ACVR1: variants seen among roughly 807,000 people sequenced by gnomAD.
ACVR1 encodes the protein activin A receptor type 1.
Under a neutral mutation model 57.1 loss-of-function variants are expected in ACVR1, and 38 were observed. That is an observed-to-expected ratio of 0.67 (90% CI 0.51 to 0.87). The LOEUF is 0.87. Ranked by LOEUF, ACVR1 falls within the 40% of genes least tolerant of loss-of-function variation. The pLI is 0.00. For missense variants in ACVR1, 463 were observed against 638.2 expected, an observed-to-expected ratio of 0.73 and a Z score of 2.96; for synonymous variants, 212 against 228.1, an observed-to-expected ratio of 0.93 and a Z score of 0.63.
At chr2:157,748,686 A>C (rs1685064208) in intron 9 of ACVR1, among the ~76,000 whole-genome samples, 1 of 152,194 alleles carries the variant, frequency 6.6e-6, no homozygotes, top group Non-Finnish European at 1.5e-5. Flanking sequence ...ATGTATGTTT[A>C]ATCTGAACAC....
At chr2:157,748,198 G>A (rs1574013774) in intron 9 of ACVR1, among the ~76,000 whole-genome samples, 1 of 152,244 alleles carries the variant, frequency 6.6e-6, no homozygotes, top group East Asian at 1.9e-4. Context: ...TGCAACACAG[G>A]GAACGGGTTT....
Position 157,867,015 on chromosome 2 carries a change from A to G in ACVR1, c.-183+8781T>C, listed in dbSNP as rs181135694. On this transcript the variant is annotated intron_variant, in intron 1 of 10. Coordinates refer to ENST00000434821, the MANE Select transcript of ACVR1 (RefSeq NM_001111067.4). Reference sequence around the variant, plus strand: ...ACCCTATCTCCAGAGTTTCAGTTCCATTTTCCCAGCTTCTCACAGGGCTCA... The same window carrying G: ...ACCCTATCTCCAGAGTTTCAGTTCCGTTTTCCCAGCTTCTCACAGGGCTCA... Among the ~76,000 whole-genome samples the G allele has an allele frequency of 2.2e-4, 33 of 152,152 alleles. No individual in the cohort carries two copies. In the East Asian group the frequency reaches 5.0e-3, roughly 23 times the overall value.
intron 5 of ACVR1, 59 bp downstream of exon 5, chr2:157,778,072 A>G: frequency 6.4e-7 from 1 of 1,560,116 alleles, no homozygotes; most frequent in Non-Finnish European, 8.8e-7. Context: ...GCTCGAAATA[A>G]GAACGTGTCT....
intron 5 of ACVR1, among the ~76,000 whole-genome samples, chr2:157,775,088 T>C (rs1686230113): frequency 6.6e-6 from 1 of 152,172 alleles, no homozygotes; most frequent in East Asian, 1.9e-4. Context: ...ATGTGGATCA[T>C]TAAATTGGTA....
intron 9 of ACVR1, among the ~76,000 whole-genome samples, chr2:157,740,876 A>G (rs1024733351): frequency 6.6e-6 from 1 of 152,184 alleles, no homozygotes; most frequent in Non-Finnish European, 1.5e-5. Context: ...TATCCCTGGG[A>G]TTTAGTCAAG....
chr2:157,768,631 T>C (rs1685962029), intron 7 of ACVR1, among the ~76,000 whole-genome samples: 1 of 152,228 alleles, frequency 6.6e-6, no homozygotes, highest in Non-Finnish European at 1.5e-5. Flanking sequence ...GTTTTCTTTT[T>C]AACTGTTTAT....
intron 3 of ACVR1, among the ~76,000 whole-genome samples, chr2:157,782,871 G>C (rs1002730525): frequency 6.6e-6 from 1 of 152,172 alleles, no homozygotes; most frequent in Non-Finnish European, 1.5e-5. Flanking sequence ...GATACCCCAG[G>C]ATATATACCT....
intron 6 of ACVR1, among the ~76,000 whole-genome samples, chr2:157,773,763 AC>A (rs1332427385): frequency 2.6e-5 from 4 of 152,232 alleles, no homozygotes; most frequent in African/African-American, 7.2e-5. Context: ...AAGCCTACTT[AC>A]TTCAGAGTAT....
At chr2:157,821,336 G>A in intron 1 of ACVR1, among the ~76,000 whole-genome samples, 1 of 152,068 alleles carries the variant, frequency 6.6e-6, no homozygotes, top group East Asian at 1.9e-4. Context: ...GACCAGCCTG[G>A]CTGACATGGT....
At chr2:157,818,153 C>T in intron 2 of ACVR1, among the ~76,000 whole-genome samples, 1 of 152,138 alleles carries the variant, frequency 6.6e-6, no homozygotes, top group Non-Finnish European at 1.5e-5. Context: ...CAGATCCACC[C>T]AACAAAGCCT....
chr2:157,794,126 A>G (rs1687022202), intron 3 of ACVR1, among the ~76,000 whole-genome samples: 1 of 152,232 alleles, frequency 6.6e-6, no homozygotes, highest in Non-Finnish European at 1.5e-5. Flanking sequence ...TAATTGTGTC[A>G]TAGTCTTCAC....
intron 9 of ACVR1, among the ~76,000 whole-genome samples, chr2:157,747,580 G>T (rs751305421): frequency 1.3e-5 from 2 of 152,146 alleles, no homozygotes; most frequent in Non-Finnish European, 2.9e-5. Flanking sequence ...TTAAAAATGG[G>T]TGCATACAGA....
intron 3 of ACVR1, among the ~76,000 whole-genome samples, chr2:157,783,140 T>G (rs1471439342): frequency 1.3e-5 from 2 of 152,158 alleles, no homozygotes; most frequent in Non-Finnish European, 2.9e-5. Context: ...ACCAAAGGAT[T>G]AAGGACACCC....
At position 157,867,585 on chromosome 2, in the gene ACVR1, G is replaced by A. The variant is rs187144224; in HGVS notation, c.-183+8211C>T. Among the ~76,000 whole-genome samples, 11 of 152,234 alleles carry A rather than the reference G, an allele frequency of 7.2e-5. No homozygotes were observed. In the East Asian group the frequency reaches 2.1e-3, roughly 29 times the overall value. ...TTCTTGCAGGAAGGAATATGGCCCTGGGGCTGCCAGAGTTTTCAGTGTTGC... is the reference window on the plus strand; with the variant it reads ...TTCTTGCAGGAAGGAATATGGCCCTAGGGCTGCCAGAGTTTTCAGTGTTGC... On this transcript the variant is annotated intron_variant, in intron 1 of 10. Coordinates refer to ENST00000434821, the MANE Select transcript of ACVR1 (RefSeq NM_001111067.4).
At chr2:157,869,051 T>A (rs1024962562) in intron 1 of ACVR1, among the ~76,000 whole-genome samples, 2 of 152,196 alleles carry the variant, frequency 1.3e-5, no homozygotes, top group Non-Finnish European at 2.9e-5. Flanking sequence ...CCTTTGGGTG[T>A]GTGTAACCTC....
intron 9 of ACVR1, among the ~76,000 whole-genome samples, chr2:157,749,038 T>C (rs1161474248): frequency 2.0e-5 from 3 of 152,366 alleles, no homozygotes; most frequent in South Asian, 2.1e-4. Flanking sequence ...TCTAAATATA[T>C]GGCATTTTCT....
intron 9 of ACVR1, among the ~76,000 whole-genome samples, chr2:157,742,553 T>A (rs147944647): frequency 6.6e-6 from 1 of 152,286 alleles, no homozygotes; most frequent in Non-Finnish European, 1.5e-5. Flanking sequence ...TGGGCATATG[T>A]CTAGTTGAAA....
intron 1 of ACVR1, among the ~76,000 whole-genome samples, chr2:157,864,891 A>G (rs1257379551): frequency 6.6e-6 from 1 of 152,072 alleles, no homozygotes; most frequent in East Asian, 1.9e-4. Flanking sequence ...ATCAATAATA[A>G]AAAGCTGACT....
At chr2:157,849,588 G>A (rs1689228869) in intron 1 of ACVR1, among the ~76,000 whole-genome samples, 1 of 152,196 alleles carries the variant, frequency 6.6e-6, no homozygotes, top group South Asian at 2.1e-4. Flanking sequence ...CATCGAAACT[G>A]TCAATTTAAG....
Sources: allele counts gnomAD v4.1 joint callset (sites outside exome capture counted in the v4.1 genomes callset), GRCh38; gene constraint gnomAD v4.1.1; transcripts MANE v1.5; gene names NCBI Gene and HGNC (gene_info 2026-07-23, HGNC 2026-07-21).